GALNT11: variants seen among roughly 807,000 people sequenced by gnomAD.
GALNT11 encodes polypeptide N-acetylgalactosaminyltransferase 11, also known as UDP-GalNAc:polypeptide N-acetylgalactosaminyltransferase 11.
GALNT11 carries 47 observed loss-of-function variants against 72.7 expected under a neutral mutation model. The observed-to-expected ratio is 0.65, with a 90% CI of 0.51 to 0.82. GALNT11 has a LOEUF of 0.82. GALNT11 is among the 40% of genes least tolerant of loss of function. The pLI is 0.00. For missense variants in GALNT11, 677 were observed against 778.4 expected (o/e 0.87, Z 1.55); for synonymous variants, 270 against 286.6 (o/e 0.94, Z 0.58).
Position 152,074,546 on chromosome 7 carries a change from G to T in GALNT11, c.-38-19644G>T, listed in dbSNP as rs1015070209. Reference sequence around the variant, plus strand: ...TTGTTTCCATCACTACAGCTTTGAGGTATATTTTGAAGTCTGGGAGCATGA... The same window carrying T: ...TTGTTTCCATCACTACAGCTTTGAGTTATATTTTGAAGTCTGGGAGCATGA... On this transcript the variant is annotated intron_variant, in intron 1 of 11. Coordinates refer to ENST00000430044, the MANE Select transcript of GALNT11 (RefSeq NM_022087.4). The T allele has an allele frequency of 2.0e-5, 3 of 152,228 alleles. No individual in the cohort carries two copies. In the South Asian group the frequency reaches 6.2e-4, roughly 32 times the overall value. The allele number at this position is 152,228 out of a possible 1,614,324, so 9.4% of individuals were successfully genotyped here.
At chr7:152,089,010 T>C (rs1025967629) in intron 1 of GALNT11, among the ~76,000 whole-genome samples, 1 of 152,182 alleles carries the variant, frequency 6.6e-6, no homozygotes, top group Non-Finnish European at 1.5e-5. Context: ...CCTGAGACCA[T>C]AGCATTGCAG....
chr7:152,076,660 C>T (rs1206463972), intron 1 of GALNT11, among the ~76,000 whole-genome samples: 2 of 152,166 alleles, frequency 1.3e-5, no homozygotes, highest in East Asian at 3.9e-4. Context: ...TTGGGCCTGC[C>T]CTGCACGTGG....
At chr7:152,110,307 GAA>G (rs891878213) in intron 6 of GALNT11, among the ~76,000 whole-genome samples, 14 of 152,324 alleles carry the variant, frequency 9.2e-5, no homozygotes, top group African/African-American at 3.1e-4. Context: ...TCGAGACTTA[GAA>G]AAGTAGCCTT....
At chr7:152,042,017 G>C (rs950867912) in intron 1 of GALNT11, among the ~76,000 whole-genome samples, 1 of 152,200 alleles carries the variant, frequency 6.6e-6, no homozygotes, top group Admixed American at 6.5e-5. Context: ...AGTATATCAT[G>C]CATATAATGG....
At chr7:152,071,304 C>T (rs1001853530) in intron 1 of GALNT11, among the ~76,000 whole-genome samples, 1 of 152,046 alleles carries the variant, frequency 6.6e-6, no homozygotes, top group Non-Finnish European at 1.5e-5. Flanking sequence ...TGTTTATAAG[C>T]GTATACCTCC....
chr7:152,071,408 T>C (rs912298936), intron 1 of GALNT11, among the ~76,000 whole-genome samples: 1 of 152,208 alleles, frequency 6.6e-6, no homozygotes, highest in Non-Finnish European at 1.5e-5. Context: ...AGAAATATGG[T>C]TCTGTTCCAC....
chr7:152,110,637 T>C lies in GALNT11; in HGVS notation c.1072T>C (p.Ser358Pro), dbSNP rs771938322. The change falls in exon 7 of 12, where the codon TCA becomes CCA. Residue 358 changes from serine to proline, a missense_variant. Ser to Pro is a moderately conservative substitution (Grantham distance 74). Coordinates refer to ENST00000430044, the MANE Select transcript of GALNT11 (RefSeq NM_022087.4). ...DIWGGENLEISFRIWMCGGKL... is the reference protein window; with the variant it reads ...DIWGGENLEIPFRIWMCGGKL... ...CTGGGGAGGAGAAAATTTGGAAATA[T>C]CATTTCGGGTAATTTAATTTTTGCA... is the stretch of plus-strand genomic sequence containing the variant. The C allele has an allele frequency of 2.5e-6, 4 of 1,597,636 alleles. No individual in the cohort carries two copies. The East Asian group carries it at 6.7e-5, about 27-fold the overall frequency.
chr7:152,093,625 C>T (rs1220980166), intron 1 of GALNT11, among the ~76,000 whole-genome samples: 12 of 152,008 alleles, frequency 7.9e-5, no homozygotes, highest in Admixed American at 6.6e-5. Flanking sequence ...CACAAGGTTT[C>T]ACCAGGTTGG....
chr7:152,080,839 G>T (rs973653311), intron 1 of GALNT11, among the ~76,000 whole-genome samples: 1 of 151,650 alleles, frequency 6.6e-6, no homozygotes, highest in African/African-American at 2.4e-5. Flanking sequence ...GCCTGGTGGC[G>T]GGCCCCTGTA....
intron 1 of GALNT11, among the ~76,000 whole-genome samples, chr7:152,033,193 T>C (rs1174358395): frequency 6.6e-6 from 1 of 152,206 alleles, no homozygotes; most frequent in Non-Finnish European, 1.5e-5. Flanking sequence ...TTCCAGTGAT[T>C]GCCTCGGCAT....
rs1239265905 is a variant in GALNT11 at position 152,117,234 on chromosome 7, G to T, written c.1311G>T (p.Lys437Asn). ...TCAGTGAGCGTGTGGAACTGAGAAA[G>T]AAGTTGGGCTGTAAATCATTTAAAT... Reference protein sequence around the residue: ...GNISERVELRKKLGCKSFKWY... With the variant: ...GNISERVELRNKLGCKSFKWY... Residue 437 changes from lysine (K) to asparagine (N), a missense_variant, in exon 9 of 12, where the codon AAG becomes AAT. Lys to Asn is a moderately conservative substitution (Grantham distance 94, BLOSUM62 0). Coordinates refer to ENST00000430044, the MANE Select transcript of GALNT11 (RefSeq NM_022087.4). The T allele has an allele frequency of 6.2e-7, 1 of 1,614,170 alleles. No homozygotes were observed. The highest frequency in any genetic ancestry group is 8.5e-7 in the Non-Finnish European group (1 of 1,180,034).
chr7:152,039,922 G>T (rs1355031103), intron 1 of GALNT11, among the ~76,000 whole-genome samples: 1 of 152,072 alleles, frequency 6.6e-6, no homozygotes, highest in African/African-American at 2.4e-5. Flanking sequence ...CTTTAGGCAG[G>T]CTCAAAAAAT....
intron 1 of GALNT11, among the ~76,000 whole-genome samples, chr7:152,053,195 C>G (rs1276394621): frequency 6.6e-6 from 1 of 152,172 alleles, no homozygotes; most frequent in African/African-American, 2.4e-5. Flanking sequence ...AAGACAATAC[C>G]CTTTTTGCAT....
chr7:152,080,522 T>G (rs970715122), intron 1 of GALNT11, among the ~76,000 whole-genome samples: 2 of 152,168 alleles, frequency 1.3e-5, no homozygotes, highest in African/African-American at 2.4e-5. Context: ...GTATAGCATT[T>G]TGTAGATAGT....
intron 1 of GALNT11, among the ~76,000 whole-genome samples, chr7:152,030,660 C>G (rs1173675374): frequency 6.6e-6 from 1 of 152,116 alleles, no homozygotes; most frequent in Non-Finnish European, 1.5e-5. Context: ...TTCTTTGTCT[C>G]TCTGAGTCCC....
rs555416638 is a variant in GALNT11, at chr7:152,082,963, G to A, written c.-38-11227G>A. On this transcript the variant is annotated intron_variant, in intron 1 of 11. Coordinates refer to ENST00000430044, the MANE Select transcript of GALNT11 (RefSeq NM_022087.4). Reference sequence around the variant, plus strand: ...TTCTGTTCTGTGAATGGTTTGTAAGGTTGTTGGTCCTTTATTTTTAGAATC... The same window carrying A: ...TTCTGTTCTGTGAATGGTTTGTAAGATTGTTGGTCCTTTATTTTTAGAATC... Among the ~76,000 whole-genome samples, 7 of 152,250 alleles carry A rather than the reference G, an allele frequency of 4.6e-5. 1 individual carries two copies. In the South Asian group the frequency reaches 1.5e-3, roughly 32 times the overall value.
intron 1 of GALNT11, among the ~76,000 whole-genome samples, chr7:152,083,415 T>G (rs922194645): frequency 6.6e-6 from 1 of 152,220 alleles, no homozygotes; most frequent in Non-Finnish European, 1.5e-5. Flanking sequence ...AAGTCATTCA[T>G]TTCCTCTCAG....
intron 1 of GALNT11, among the ~76,000 whole-genome samples, chr7:152,045,258 G>A (rs1018657755): frequency 2.0e-5 from 3 of 152,016 alleles, no homozygotes; most frequent in African/African-American, 7.2e-5. Context: ...TTTTTTTGAT[G>A]TGTCTTTGTC....
chr7:152,114,662 G>C (rs1456258060), intron 8 of GALNT11, among the ~76,000 whole-genome samples: 2 of 152,018 alleles, frequency 1.3e-5, no homozygotes, highest in Non-Finnish European at 2.9e-5. Context: ...CTGGGTTCGA[G>C]TGATTCTCCT....
Sources: gnomAD v4.1 joint callset for allele counts (sites outside exome capture counted in the v4.1 genomes callset) on GRCh38, gnomAD v4.1.1 for gene constraint, MANE v1.5 for transcripts, NCBI Gene and HGNC (gene_info 2026-07-23, HGNC 2026-07-21) for gene names.